Variants in TDRD10 observed in about 807,000 individuals in gnomAD.
TDRD10 encodes the protein tudor domain containing 10.
In TDRD10, 40 loss-of-function variants were observed where a neutral mutation model predicts 48.0. The observed-to-expected ratio is 0.83, with a 90% confidence interval of 0.65 to 1.09. The LOEUF (loss-of-function observed/expected upper bound fraction) is 1.09. Among genes scored for constraint, TDRD10 ranks in the 50% least tolerant of loss-of-function variants. TDRD10 has a pLI of 0.00. For synonymous variants in TDRD10, 162 were observed against 170.4 expected, an observed-to-expected ratio of 0.95 and a Z score of 0.38; for missense variants, 378 against 434.7, an observed-to-expected ratio of 0.87 and a Z score of 1.16.
intron 1 of TDRD10, among the ~76,000 whole-genome samples, chr1:154,505,718 T>C (rs536490337): frequency 1.1e-4 from 16 of 152,362 alleles, no homozygotes; most frequent in Admixed American, 6.5e-4. Context: ...GTGTCTTTTA[T>C]AATTTTATAA....
At chr1:154,510,888 T>C (rs1231074146) in intron 4 of TDRD10, among the ~76,000 whole-genome samples, 3 of 150,796 alleles carry the variant, frequency 2.0e-5, no homozygotes, top group Non-Finnish European at 1.5e-5. Context: ...CTACTAAAAA[T>C]ACAAAAAATT....
intron 6 of TDRD10, among the ~76,000 whole-genome samples, chr1:154,532,524 G>A (rs1467889167): frequency 3.9e-5 from 6 of 152,192 alleles, no homozygotes; most frequent in African/African-American, 7.2e-5. Context: ...GGGCTCCCAC[G>A]GTGCAGCGGC....
At chr1:154,541,597 A>G (rs1319580591) in intron 6 of TDRD10, among the ~76,000 whole-genome samples, 1 of 151,874 alleles carries the variant, frequency 6.6e-6, no homozygotes, top group East Asian at 1.9e-4. Flanking sequence ...GGCTGTGGGG[A>G]GTGGCAGGGC....
intron 4 of TDRD10, among the ~76,000 whole-genome samples, chr1:154,516,640 G>T (rs1693786512): frequency 6.6e-6 from 1 of 152,148 alleles, no homozygotes; most frequent in Admixed American, 6.6e-5. Flanking sequence ...ACCTAAGCTG[G>T]TTAACGAGCA....
At chr1:154,544,221 T>C (rs996940024) in intron 9 of TDRD10, 111 bp downstream of exon 9, 2 of 1,566,306 alleles carry the variant, frequency 1.3e-6, no homozygotes, top group Admixed American at 3.8e-5. Context: ...GTAACTACGG[T>C]CTGATCCTGG....
intron 6 of TDRD10, among the ~76,000 whole-genome samples, chr1:154,523,952 T>C (rs916587943): frequency 1.3e-5 from 2 of 152,224 alleles, no homozygotes; most frequent in African/African-American, 4.8e-5. Flanking sequence ...CTATTTTAGA[T>C]ATTTTTCAAC....
At position 154,544,063 on chromosome 1, in the gene TDRD10, A is replaced by T; in HGVS notation, c.604A>T (p.Ser202Cys). 1 of 1,614,142 alleles carries T rather than the reference A, an allele frequency of 6.2e-7. No individual in the cohort carries two copies. Among genetic ancestry groups the T allele is most frequent in the Non-Finnish European group, 8.5e-7 (1 of 1,180,024 alleles). ...VRGEAGLLVT[S>C]IVPKTPFFWA... ...TGGGGAGGCGGGGCTGCTGGTGACG[A>T]GTATCGTCCCGAAGACCCCGTTTTT... Residue 202 changes from serine (S) to cysteine (C), a missense_variant, in exon 9 of 13, where the codon AGT becomes TGT. Physicochemically the swap from Ser to Cys is moderately radical, Grantham distance 112 (BLOSUM62 -1). Transcript: ENST00000368482.
intron 6 of TDRD10, among the ~76,000 whole-genome samples, chr1:154,532,299 G>A (rs982314162): frequency 7.2e-5 from 11 of 152,244 alleles, no homozygotes; most frequent in Admixed American, 7.2e-4. Context: ...CAGCACTGCT[G>A]CGGGACCTGG....
At chr1:154,534,046 A>G (rs112119672) in intron 6 of TDRD10, among the ~76,000 whole-genome samples, 7 of 152,114 alleles carry the variant, frequency 4.6e-5, no homozygotes, top group African/African-American at 1.7e-4. Flanking sequence ...TTAAATGGGA[A>G]AAAAAATGAA....
At chr1:154,544,744 A>T (rs745469529) in intron 10 of TDRD10, 51 bp from the exon 11 acceptor site, 24 of 1,595,056 alleles carry the variant, frequency 1.5e-5, no homozygotes, top group Non-Finnish European at 2.1e-5. Flanking sequence ...ACTGCTGTGC[A>T]TGGCACTAGG....
chr1:154,511,002 C>T (rs1275210573), intron 4 of TDRD10, among the ~76,000 whole-genome samples: 2 of 149,132 alleles, frequency 1.3e-5, no homozygotes, highest in East Asian at 2.0e-4. Flanking sequence ...GCTGAGATTG[C>T]GCCACTGCAC....
Position 154,544,919 on chromosome 1 carries a change from C to T in TDRD10, c.922C>T (p.Pro308Ser). ...LDSDDFWTIP[P>S]LTQPFMLEKD... Reference sequence around the variant, plus strand: ...CAGCGACGACTTCTGGACCATCCCACCCCTGACTCAGCCATTCATGCTGGA... The same window carrying T: ...CAGCGACGACTTCTGGACCATCCCATCCCTGACTCAGCCATTCATGCTGGA... Residue 308 changes from proline to serine, a missense_variant, in exon 11 of 13, where the codon CCC becomes TCC. Physicochemically the swap from Pro to Ser is moderately conservative, Grantham distance 74. Coordinates refer to ENST00000368482, the MANE Select transcript of TDRD10 (RefSeq NM_182499.4). 6.2e-7 allele frequency: 1 copy of T among 1,614,190 alleles called. No homozygotes were observed. Among genetic ancestry groups the T allele is most frequent in the Non-Finnish European group, 8.5e-7 (1 of 1,180,038 alleles).
At chr1:154,544,347 G>A (rs1261158848) in intron 9 of TDRD10, 25 bp from the exon 10 acceptor site, 44 of 1,564,922 alleles carry the variant, frequency 2.8e-5, no homozygotes, top group Non-Finnish European at 3.6e-5. Flanking sequence ...CAGGCAGTGG[G>A]GCCGTTGCGT....
At chr1:154,520,173 C>G in intron 4 of TDRD10, 131 bp from the exon 5 acceptor site, 2 of 658,666 alleles carry the variant, frequency 3.0e-6, no homozygotes, top group Non-Finnish European at 5.4e-6. Context: ...ATGGCACGTA[C>G]AGCACATAAT....
chr1:154,538,543 T>C (rs1570972041), intron 6 of TDRD10, among the ~76,000 whole-genome samples: 1 of 73,164 alleles, frequency 1.4e-5, no homozygotes, highest in Non-Finnish European at 2.5e-5. Context: ...AGAGCGAAAC[T>C]CTATCTCAAA....
chr1:154,509,586 A>G (rs1276218613), intron 4 of TDRD10, among the ~76,000 whole-genome samples: 1 of 152,174 alleles, frequency 6.6e-6, no homozygotes, highest in Non-Finnish European at 1.5e-5. Context: ...CTTTGTGCCA[A>G]ATCATGTAAC....
intron 9 of TDRD10, 53 bp downstream of exon 9, chr1:154,544,163 C>T (rs1695416128): frequency 6.2e-6 from 10 of 1,611,714 alleles, no homozygotes; most frequent in Non-Finnish European, 7.6e-6. Flanking sequence ...TGCGTGGCCT[C>T]CCTAGGGTGG....
intron 6 of TDRD10, among the ~76,000 whole-genome samples, chr1:154,529,111 C>G (rs538527256): frequency 4.2e-4 from 64 of 151,490 alleles, no homozygotes; most frequent in African/African-American, 1.3e-3. Context: ...CGGAGTTTTG[C>G]TCTTGTTACC....
At chr1:154,533,840 GTGC>G (rs1694776729) in intron 6 of TDRD10, among the ~76,000 whole-genome samples, 1 of 151,112 alleles carries the variant, frequency 6.6e-6, no homozygotes, top group African/African-American at 2.4e-5. Context: ...GCCTCCCAAA[GTGC>G]TGGGATTGCA....
Sources: gnomAD v4.1 joint callset for allele counts (sites outside exome capture counted in the v4.1 genomes callset) on GRCh38, gnomAD v4.1.1 for gene constraint, MANE v1.5 for transcripts, NCBI Gene and HGNC (gene_info 2026-07-23, HGNC 2026-07-21) for gene names.